Variants in KDM1B observed in about 807,000 individuals in gnomAD.
The protein encoded by KDM1B is lysine-specific histone demethylase 2.
In KDM1B, 63 loss-of-function variants were observed where a neutral mutation model predicts 107.4. That is an observed-to-expected ratio of 0.59 (90% CI 0.48 to 0.72). The LOEUF (loss-of-function observed/expected upper bound fraction) is 0.72. KDM1B is among the 30% of genes least tolerant of loss of function. The pLI is 0.00. For synonymous variants in KDM1B, 363 were observed against 363.9 expected (o/e 1.00, Z 0.03); for missense variants, 749 against 1,020.8 (o/e 0.73, Z 3.63).
chr6:18,209,104 G>A lies in KDM1B; in HGVS notation c.1866+898G>A, dbSNP rs903370254. 4.6e-5 allele frequency among the ~76,000 whole-genome samples: 7 copies of A among 152,124 alleles called. No individual in the cohort carries two copies. The East Asian group carries it at 1.2e-3, about 25-fold the overall frequency. On this transcript the variant is annotated intron_variant, in intron 17 of 21. Coordinates refer to ENST00000650836, the MANE Select transcript of KDM1B (RefSeq NM_001364614.2). This position sits in a 1 kb window ranked among gnomAD's most constrained non-coding sequence, Gnocchi z 4.3. ...TCATCTTGAAATCTTGAAACTATCA[G>A]AAGTACTTTCATATGGCTTAAATTT...
rs369714077 is a variant in KDM1B, at chr6:18,179,836, A to ACTAGATATTTTTTCTTTTTTTTTTTTTT, written c.535-5936_535-5935insCTAGATATTTTTTCTTTTTTTTTTTTTT. 4.3e-4 allele frequency among the ~76,000 whole-genome samples: 36 copies of ACTAGATATTTTTTCTTTTTTTTTTTTTT among 83,518 alleles called. 18 individuals carry two copies. The highest frequency in any genetic ancestry group is 5.9e-4 in the African/African-American group (12 of 20,304). The allele number at this position is 83,518 out of a possible 152,430, so 54.8% of individuals were successfully genotyped here. ...CTATTCCAAAATCTTTCAATTTAGC[A>ACTAGATATTTTTTCTTTTTTTTTTTTTT]TTGGTTTTTTTTCCTTTTTTTTTTT... On this transcript the variant is annotated intron_variant, in intron 7 of 21. Coordinates refer to ENST00000650836, the MANE Select transcript of KDM1B (RefSeq NM_001364614.2).
intron 2 of KDM1B, among the ~76,000 whole-genome samples, chr6:18,158,977 A>T: frequency 6.6e-6 from 1 of 151,734 alleles, no homozygotes; most frequent in Non-Finnish European, 1.5e-5. Flanking sequence ...GTTTTCTTTT[A>T]TTTTTTTTGA....
In KDM1B at chr6:18,208,183, G is replaced by A. The variant is rs746959932; in HGVS notation, c.1843G>A (p.Gly615Ser). The change falls in exon 17 of 22, where the codon GGC (glycine) becomes AGC (serine). Residue 615 changes from glycine to serine, a missense_variant. Physicochemically the swap from Gly to Ser is moderately conservative, Grantham distance 56 (BLOSUM62 0). Coordinates refer to ENST00000650836, the MANE Select transcript of KDM1B (RefSeq NM_001364614.2). ...GDEVQVTTTD[G>S]TGYSAQKVLV... ...TGAAGTGCAGGTTACCACTACAGAT[G>A]GCACAGGGTATTCTGCACAAAAGGT... 1 of 1,613,582 alleles carries A rather than the reference G, an allele frequency of 6.2e-7. No homozygotes were observed. The highest frequency in any genetic ancestry group is 1.7e-5 in the Admixed American group (1 of 59,980).
chr6:18,158,474 C>T (rs929338310), intron 2 of KDM1B, among the ~76,000 whole-genome samples: 4 of 152,070 alleles, frequency 2.6e-5, no homozygotes, highest in African/African-American at 9.7e-5. Flanking sequence ...ATACAGCTCA[C>T]AAATATGAAA....
At chr6:18,169,610 A>G (rs914924667) in intron 6 of KDM1B, among the ~76,000 whole-genome samples, 4 of 152,180 alleles carry the variant, frequency 2.6e-5, no homozygotes, top group African/African-American at 9.6e-5. Flanking sequence ...TTCCTTTGGT[A>G]GAGCCCATTG....
chr6:18,182,746 G>C (rs1402324712), intron 7 of KDM1B, among the ~76,000 whole-genome samples: 1 of 151,992 alleles, frequency 6.6e-6, no homozygotes, highest in Non-Finnish European at 1.5e-5. Context: ...GCCCAGGCTG[G>C]TCTCAAACTC....
At chr6:18,168,274 C>T (rs1785448043) in intron 6 of KDM1B, among the ~76,000 whole-genome samples, 1 of 152,182 alleles carries the variant, frequency 6.6e-6, no homozygotes, top group Admixed American at 6.6e-5. Context: ...ATTCTTGCTA[C>T]CCCCAGTTCC....
chr6:18,174,027 A>G (rs1228928929), intron 7 of KDM1B, among the ~76,000 whole-genome samples: 2 of 152,112 alleles, frequency 1.3e-5, no homozygotes, highest in Admixed American at 6.5e-5. Context: ...CTCGTGATCC[A>G]CCTGCCTTGG....
In KDM1B at chr6:18,180,832, C is replaced by T. The variant is rs572642838; in HGVS notation, c.535-4940C>T. ...CCACCTGTCTTGGCCTCTCAAAGTG[C>T]TGGGATTACAGGCGTGAGCCACTGC... On this transcript the variant is annotated intron_variant, in intron 7 of 21. Transcript: ENST00000650836. Among the ~76,000 whole-genome samples, 10 of 152,316 alleles carry T rather than the reference C, an allele frequency of 6.6e-5. No homozygotes were observed. The East Asian group carries it at 1.5e-3, about 23-fold the overall frequency.
At chr6:18,184,494 C>T (rs946104930) in intron 7 of KDM1B, among the ~76,000 whole-genome samples, 7 of 151,530 alleles carry the variant, frequency 4.6e-5, no homozygotes, top group Non-Finnish European at 7.4e-5. Context: ...AGGCTGGTCT[C>T]GAACTCCTGA....
chr6:18,196,862 TCTC>T (rs1371422721), intron 10 of KDM1B, among the ~76,000 whole-genome samples, 192 bp from the exon 11 acceptor site: 1 of 152,190 alleles, frequency 6.6e-6, no homozygotes, highest in Admixed American at 6.5e-5. Flanking sequence ...ATTTTGGTCT[TCTC>T]AGGAGGATTC....
Position 18,162,941 on chromosome 6 carries a change from T to G in KDM1B, c.305+17T>G. The G allele has an allele frequency of 6.6e-7, 1 of 1,518,916 alleles. No individual in the cohort carries two copies. The highest frequency in any genetic ancestry group is 1.1e-5 in the South Asian group (1 of 88,994). 94.1% of individuals were successfully genotyped at this position (1,518,916 alleles called of 1,614,324 possible). The stretch of plus-strand genomic sequence containing the variant: ...CTACAGAAGGTATGTTCACTAATTG[T>G]GTGAGGTTTCCCTGGAGAAGGGGAC... On this transcript the variant is annotated intron_variant, in intron 5 of 21. Transcript: ENST00000650836. The surrounding 1 kb of genome is among the most constrained non-coding windows in gnomAD (Gnocchi z 4.1).
rs1789363761 is a variant in KDM1B at position 18,217,798 on chromosome 6, A to C, written c.2298A>C (p.Ala766=). The C allele has an allele frequency of 6.2e-7, 1 of 1,613,940 alleles. No homozygotes were observed. The highest frequency in any genetic ancestry group is 1.1e-5 in the South Asian group (1 of 91,086). ...RWSTDPWIQM[A]YSFVKTGGSG... ...GCACAGACCCATGGATCCAGATGGC[A>C]TACAGTTTTGTGAAGACAGGTGGAA... Residue 766 remains alanine (A), a synonymous_variant, in exon 21 of 22, where the codon GCA becomes GCC. Transcript: ENST00000650836.
At chr6:18,199,989 G>C (rs1195145430) in intron 12 of KDM1B, among the ~76,000 whole-genome samples, 3 of 151,974 alleles carry the variant, frequency 2.0e-5, no homozygotes, top group Non-Finnish European at 4.4e-5. Flanking sequence ...GGTGATTCTC[G>C]TGCCTCAGCC....
chr6:18,197,523 A>G lies in KDM1B; in HGVS notation c.1147-64A>G. ...AACGAATTTGCTCTGCAGTTCCGGA[A>G]CAACTAAAACAGGACGTTGTTATCA... is the stretch of plus-strand genomic sequence containing the variant. On this transcript the variant is annotated intron_variant, in intron 11 of 21. Transcript: ENST00000650836. The surrounding 1 kb of genome is among the most constrained non-coding windows in gnomAD (Gnocchi z 4.5). 7.7e-7 allele frequency: 1 copy of G among 1,294,080 alleles called. No individual in the cohort carries two copies. The highest frequency in any genetic ancestry group is 1.1e-6 in the Non-Finnish European group (1 of 897,636). 80.2% of individuals were successfully genotyped at this position (1,294,080 alleles called of 1,614,324 possible).
rs1561955719 is a variant in KDM1B, at chr6:18,214,452, G to A, written c.2110-555G>A. 2.0e-5 allele frequency among the ~76,000 whole-genome samples: 3 copies of A among 152,176 alleles called. No individual in the cohort carries two copies. Among genetic ancestry groups the A allele is most frequent in the Non-Finnish European group, 4.4e-5 (3 of 68,044 alleles). ...CGAAGCAAGCTTTAATTAGTGAACA[G>A]CCAAGGGAACCTTAAAGTTGCTATT... On this transcript the variant is annotated intron_variant, in intron 19 of 21. Transcript: ENST00000650836. The surrounding 1 kb of genome is among the most constrained non-coding windows in gnomAD (Gnocchi z 4.4).
In KDM1B at chr6:18,200,629, A is replaced by G. The variant is rs1323648209; in HGVS notation, c.1359+53A>G. On this transcript the variant is annotated intron_variant, in intron 13 of 21. Transcript: ENST00000650836. This position sits in a 1 kb window ranked among gnomAD's most constrained non-coding sequence, Gnocchi z 4.3. The stretch of plus-strand genomic sequence containing the variant: ...GATAAAGGAAAGAAAAACAGTTTCA[A>G]TTTGCTTGTGTGCAGTATTAATATG... 11 of 1,567,854 alleles carry G rather than the reference A, an allele frequency of 7.0e-6. No homozygotes were observed. The highest frequency in any genetic ancestry group is 4.1e-5 in the African/African-American group (3 of 73,222).
intron 21 of KDM1B, 57 bp from the exon 22 acceptor site, chr6:18,221,851 CT>C (rs1164365258): frequency 7.4e-7 from 1 of 1,357,610 alleles, no homozygotes; most frequent in Admixed American, 2.1e-5. Flanking sequence ...CTTGTTTTAC[CT>C]TTTGATATCA....
Position 18,217,895 on chromosome 6 carries a change from T to A in KDM1B, c.2385+10T>A. On this transcript the variant is annotated intron_variant, in intron 21 of 21. Coordinates refer to ENST00000650836, the MANE Select transcript of KDM1B (RefSeq NM_001364614.2). ...CTTTTTCGCTGGTGAGGTATGGATC[T>A]TGATTCCAAACCCAATTATTTGTAT... is the stretch of plus-strand genomic sequence containing the variant. 5.6e-6 allele frequency: 9 copies of A among 1,604,774 alleles called. No homozygotes were observed. Among genetic ancestry groups the A allele is most frequent in the Non-Finnish European group, 7.6e-6 (9 of 1,176,986 alleles).
Sources: allele counts gnomAD v4.1 joint callset (sites outside exome capture counted in the v4.1 genomes callset), GRCh38; gene constraint gnomAD v4.1.1; non-coding constraint Gnocchi (gnomAD v3.1); transcripts MANE v1.5; gene names NCBI Gene and HGNC (gene_info 2026-07-23, HGNC 2026-07-21).